ADK: variants seen among roughly 807,000 people sequenced by gnomAD.
The protein encoded by ADK is N6,N6-dimethyladenosine kinase.
Under a neutral mutation model 44.7 loss-of-function variants are expected in ADK, and 24 were observed. The ratio of observed to expected loss-of-function variants is 0.54; its 90% CI spans 0.39 to 0.76. The LOEUF is 0.76. ADK is among the 30% of genes least tolerant of loss of function. The pLI is 0.00. For synonymous variants in ADK, 128 were observed against 142.6 expected (o/e 0.90, Z 0.73); for missense variants, 321 against 425.1 (o/e 0.76, Z 2.15).
chr10:74,207,207 A>T (rs1222769768), intron 2 of ADK, among the ~76,000 whole-genome samples: 1 of 152,092 alleles, frequency 6.6e-6, no homozygotes, highest in Non-Finnish European at 1.5e-5. Flanking sequence ...GGACGAGGAT[A>T]ATATGGTGGT....
Position 74,670,208 on chromosome 10 carries a change from C to G in ADK, c.903C>G (p.Val301=). 6.2e-7 allele frequency: 1 copy of G among 1,613,882 alleles called. No individual in the cohort carries two copies. The highest frequency in any genetic ancestry group is 1.7e-4 in the Middle Eastern group (1 of 6,060). The part of the protein sequence containing the change: ...ATESEVTAFA[V]LDQDQKEIID... ...AAAGTGAAGTCACTGCTTTTGCTGTCTTGGATCAAGACCAGAAAGAAATTA... is the reference window on the plus strand; with the variant it reads ...AAAGTGAAGTCACTGCTTTTGCTGTGTTGGATCAAGACCAGAAAGAAATTA... The change falls in exon 10 of 11, where the codon GTC becomes GTG. Residue 301 remains valine (V), a synonymous_variant. Transcript: ENST00000539909.
intron 6 of ADK, among the ~76,000 whole-genome samples, chr10:74,458,327 A>G (rs1195562748): frequency 1.5e-5 from 2 of 136,892 alleles, no homozygotes; most frequent in South Asian, 2.5e-4. Context: ...TTGCAGAGAC[A>G]GGGGGTTTTC....
intron 9 of ADK, among the ~76,000 whole-genome samples, chr10:74,636,905 G>A (rs1853638790): frequency 6.6e-6 from 1 of 152,108 alleles, no homozygotes; most frequent in Admixed American, 6.6e-5. Context: ...TGAATTGGGG[G>A]ACATAGTTCA....
At chr10:74,394,889 C>G (rs542596290) in intron 5 of ADK, among the ~76,000 whole-genome samples, 7 of 151,972 alleles carry the variant, frequency 4.6e-5, no homozygotes, top group Non-Finnish European at 8.8e-5. Flanking sequence ...TTTCTATACA[C>G]CCTTACTTAT....
chr10:74,665,536 C>G (rs1854914279), intron 9 of ADK, among the ~76,000 whole-genome samples: 2 of 151,848 alleles, frequency 1.3e-5, no homozygotes, highest in East Asian at 3.9e-4. Context: ...GGCTCAAGAC[C>G]AGTCTGGAGA....
At position 74,708,764 on chromosome 10, in the gene ADK, G is replaced by GT; in HGVS notation, c.*326dup. ...TCGTGTGTATTTAGTACACTGATTT[G>GT]TTTTTTTACATTTCTGCTTTGAATG... On this transcript the variant is annotated 3_prime_UTR_variant, in exon 11 of 11. Transcript: ENST00000539909. 4.1e-6 allele frequency: 1 copy of GT among 242,656 alleles called. No homozygotes were observed. The highest frequency in any genetic ancestry group is 1.1e-4 in the East Asian group (1 of 8,852). 15.0% of individuals were successfully genotyped at this position (242,656 alleles called of 1,614,324 possible).
chr10:74,232,551 C>A (rs1285574635), intron 3 of ADK, among the ~76,000 whole-genome samples: 2 of 103,338 alleles, frequency 1.9e-5, no homozygotes, highest in Admixed American at 1.9e-4. Flanking sequence ...CCCCCGCACC[C>A]CCCCCCCCCA....
At chr10:74,577,875 TTACTCACAG>T (rs1851250641) in intron 7 of ADK, among the ~76,000 whole-genome samples, 2 of 152,344 alleles carry the variant, frequency 1.3e-5, no homozygotes, top group South Asian at 4.1e-4. Context: ...TCTTACCACT[TTACTCACAG>T]TAGTTTAAAA....
At chr10:74,582,818 G>A (rs539927432) in intron 7 of ADK, among the ~76,000 whole-genome samples, 7 of 152,114 alleles carry the variant, frequency 4.6e-5, no homozygotes, top group East Asian at 3.9e-4. Flanking sequence ...TTCTGTAGAC[G>A]GGAAGCATAT....
chr10:74,485,897 A>C (rs1444387246), intron 6 of ADK, among the ~76,000 whole-genome samples: 1 of 152,212 alleles, frequency 6.6e-6, no homozygotes, highest in Non-Finnish European at 1.5e-5. Context: ...TAAAATCCTA[A>C]CAAGTAGGGG....
intron 10 of ADK, among the ~76,000 whole-genome samples, chr10:74,689,427 G>A (rs1294686637): frequency 6.6e-6 from 1 of 151,938 alleles, no homozygotes; most frequent in Non-Finnish European, 1.5e-5. Flanking sequence ...GCTGTAATAG[G>A]CAGTAACATA....
intron 6 of ADK, among the ~76,000 whole-genome samples, chr10:74,524,648 C>G (rs1386289069): frequency 6.6e-6 from 1 of 152,184 alleles, no homozygotes; most frequent in Non-Finnish European, 1.5e-5. Context: ...CCACCTTGGC[C>G]TCCCAAAGTG....
chr10:74,331,971 A>T (rs1265493916), intron 4 of ADK, among the ~76,000 whole-genome samples: 11 of 152,166 alleles, frequency 7.2e-5, no homozygotes, highest in Admixed American at 7.2e-4. Context: ...CTCCTGCTTC[A>T]GTCTCCTGAG....
At chr10:74,324,730 A>C (rs1434664103) in intron 4 of ADK, among the ~76,000 whole-genome samples, 1 of 152,164 alleles carries the variant, frequency 6.6e-6, no homozygotes, top group Non-Finnish European at 1.5e-5. Flanking sequence ...GGACGTGCAG[A>C]TATATCTTAA....
At chr10:74,339,647 A>C (rs1841521221) in intron 4 of ADK, among the ~76,000 whole-genome samples, 2 of 152,226 alleles carry the variant, frequency 1.3e-5, no homozygotes, top group African/African-American at 4.8e-5. Flanking sequence ...AATAATGAAC[A>C]AGTTAATGGC....
intron 6 of ADK, among the ~76,000 whole-genome samples, chr10:74,444,726 ATTCTTT>A (rs1845537121): frequency 6.6e-6 from 1 of 152,036 alleles, no homozygotes; most frequent in Admixed American, 6.6e-5. Flanking sequence ...AGGAGTTTAA[ATTCTTT>A]TTCTTTAGCA....
At chr10:74,156,749 C>T (rs770366043) in intron 1 of ADK, among the ~76,000 whole-genome samples, 2 of 152,074 alleles carry the variant, frequency 1.3e-5, no homozygotes, top group Non-Finnish European at 2.9e-5. Flanking sequence ...AGCTAGTGAT[C>T]TCGGGAAGAT....
intron 9 of ADK, among the ~76,000 whole-genome samples, chr10:74,635,073 T>C (rs1236858564): frequency 6.6e-6 from 1 of 152,158 alleles, no homozygotes; most frequent in African/African-American, 2.4e-5. Context: ...AGATAAATAT[T>C]TGATGAATAA....
chr10:74,500,742 A>C (rs1384675300), intron 6 of ADK, among the ~76,000 whole-genome samples: 3 of 152,194 alleles, frequency 2.0e-5, no homozygotes, highest in Non-Finnish European at 1.5e-5. Context: ...AACTGGTTTG[A>C]AATGTTTGCT....
Sources: allele counts gnomAD v4.1 joint callset (sites outside exome capture counted in the v4.1 genomes callset), GRCh38; gene constraint gnomAD v4.1.1; transcripts MANE v1.5; gene names NCBI Gene and HGNC (gene_info 2026-07-23, HGNC 2026-07-21).